Variants in TRIM2 observed in about 807,000 individuals in gnomAD.
TRIM2 encodes the protein tripartite motif containing 2.
In TRIM2, 20 loss-of-function variants were observed where a neutral mutation model predicts 75.2. The observed-to-expected ratio is 0.27, with a 90% CI of 0.19 to 0.39. The LOEUF is 0.39. Among genes scored for constraint, TRIM2 ranks in the 10% least tolerant of loss-of-function variants. The pLI is 1.00. For missense variants in TRIM2, 660 were observed against 990.8 expected (o/e 0.67, Z 4.48); for synonymous variants, 373 against 388.3 (o/e 0.96, Z 0.46).
intron 6 of TRIM2, among the ~76,000 whole-genome samples, chr4:153,315,171 A>C (rs1767319695): frequency 6.6e-6 from 1 of 152,248 alleles, no homozygotes; most frequent in Non-Finnish European, 1.5e-5. Flanking sequence ...AGATAAAGGC[A>C]GGCCGTATTA....
chr4:153,223,289 T>G (rs1029854847), intron 1 of TRIM2, among the ~76,000 whole-genome samples: 16 of 152,176 alleles, frequency 1.1e-4, no homozygotes, highest in African/African-American at 3.9e-4. Context: ...GTCGCGGACC[T>G]CTGCCGTCCT....
chr4:153,181,510 C>T (rs747641921), intron 1 of TRIM2, among the ~76,000 whole-genome samples: 5 of 152,202 alleles, frequency 3.3e-5, no homozygotes, highest in Admixed American at 6.5e-5. Flanking sequence ...CAGGGAGACA[C>T]ACAGAGACCT....
intron 1 of TRIM2, among the ~76,000 whole-genome samples, chr4:153,188,316 G>A (rs896791585): frequency 3.3e-5 from 5 of 152,216 alleles, no homozygotes; most frequent in Non-Finnish European, 7.4e-5. Context: ...AGAAGTTAGT[G>A]GGGCATGGTG....
At chr4:153,175,781 T>C (rs1731373802) in intron 1 of TRIM2, among the ~76,000 whole-genome samples, 1 of 152,188 alleles carries the variant, frequency 6.6e-6, no homozygotes, top group Admixed American at 6.5e-5. Flanking sequence ...TTGGTGAAGT[T>C]GGAATATGGA....
intron 10 of TRIM2, among the ~76,000 whole-genome samples, chr4:153,325,487 G>A (rs1241460689): frequency 6.6e-6 from 1 of 152,210 alleles, no homozygotes; most frequent in African/African-American, 2.4e-5. Flanking sequence ...AGCCAAAGAA[G>A]GACGGAAGTA....
At position 153,204,534 on chromosome 4, in the gene TRIM2, C is replaced by CA; in HGVS notation, c.5dup (p.His2GlnfsTer26). ...AGGAGGCTGGCTCTGGTCTTCGATG[C>CA]ACAGGAGTGGCCGTTATGGAACGCA... On this transcript the variant is annotated frameshift_variant, in exon 1 of 12. Coordinates refer to ENST00000338700, the MANE Select transcript of TRIM2 (RefSeq NM_015271.5). LOFTEE classifies it high-confidence loss of function. 1 of 1,551,712 alleles carries CA rather than the reference C, an allele frequency of 6.4e-7. No individual in the cohort carries two copies. The highest frequency in any genetic ancestry group is 2.4e-5 in the East Asian group (1 of 40,928).
At chr4:153,207,398 A>G (rs1388462863) in intron 1 of TRIM2, among the ~76,000 whole-genome samples, 1 of 152,176 alleles carries the variant, frequency 6.6e-6, no homozygotes, top group African/African-American at 2.4e-5. Context: ...GTCCAGCCTC[A>G]CTTTCGTTGT....
chr4:153,261,541 G>A (rs779944524), intron 1 of TRIM2, among the ~76,000 whole-genome samples: 1 of 152,278 alleles, frequency 6.6e-6, no homozygotes, highest in Non-Finnish European at 1.5e-5. Flanking sequence ...AGTACCTTTA[G>A]GATGATGTAT....
At chr4:153,296,286 A>G (rs1405102164) in intron 6 of TRIM2, among the ~76,000 whole-genome samples, 2 of 152,164 alleles carry the variant, frequency 1.3e-5, no homozygotes, top group Non-Finnish European at 2.9e-5. Context: ...CTTCCTTAAG[A>G]CACAAGTGCT....
intron 1 of TRIM2, among the ~76,000 whole-genome samples, chr4:153,155,374 T>G (rs1308211496): frequency 6.6e-6 from 1 of 152,206 alleles, no homozygotes; most frequent in Non-Finnish European, 1.5e-5. Context: ...TAGGGTATTG[T>G]TCTTAATTTT....
intron 11 of TRIM2, among the ~76,000 whole-genome samples, chr4:153,330,579 G>T (rs1204225800): frequency 7.9e-5 from 12 of 152,114 alleles, no homozygotes; most frequent in Admixed American, 7.9e-4. Flanking sequence ...AAGAAAATCA[G>T]TCAATGTAAT....
intron 1 of TRIM2, among the ~76,000 whole-genome samples, chr4:153,173,775 G>A (rs748450890): frequency 4.0e-5 from 6 of 151,430 alleles, no homozygotes; most frequent in African/African-American, 7.3e-5. Flanking sequence ...AAGACCAGCC[G>A]GACCAACATG....
chr4:153,166,661 G>C (rs143366976), intron 1 of TRIM2, among the ~76,000 whole-genome samples: 195 of 152,042 alleles, frequency 1.3e-3, no homozygotes, highest in Middle Eastern at 0.01. Flanking sequence ...TGATCCTCCT[G>C]CATCTGCCTC....
intron 1 of TRIM2, among the ~76,000 whole-genome samples, chr4:153,255,617 G>C (rs1055902212): frequency 2.0e-5 from 3 of 152,216 alleles, no homozygotes; most frequent in Non-Finnish European, 4.4e-5. Context: ...AACTTCTAAA[G>C]CAGAACATAC....
In TRIM2 at chr4:153,168,161, A is replaced by G. The variant is rs549358603; in HGVS notation, c.-49+14891A>G. Among the ~76,000 whole-genome samples the G allele has an allele frequency of 7.9e-5, 12 of 152,198 alleles. No individual in the cohort carries two copies. The East Asian group carries it at 2.3e-3, about 29-fold the overall frequency. Reference sequence around the variant, plus strand: ...CATTTGTTTATATTCATTTACCTACATTAGGGAATTGGTTAAATAAATTGT... The same window carrying G: ...CATTTGTTTATATTCATTTACCTACGTTAGGGAATTGGTTAAATAAATTGT... On this transcript the variant is annotated intron_variant, in intron 1 of 11. Transcript: ENST00000437508.
chr4:153,273,351 C>T (rs1292790187), intron 2 of TRIM2, among the ~76,000 whole-genome samples: 1 of 142,760 alleles, frequency 7.0e-6, no homozygotes, highest in Non-Finnish European at 1.5e-5. Context: ...TCTCGGCTCA[C>T]TGCAAGCTCC....
chr4:153,260,701 C>CCA lies in TRIM2; in HGVS notation c.31-9634_31-9633insCA, dbSNP rs1560902977. 2.8e-3 allele frequency among the ~76,000 whole-genome samples: 95 copies of CCA among 34,122 alleles called. 1 individual carries two copies. Among genetic ancestry groups the CCA allele is most frequent in the African/African-American group, 8.0e-3 (89 of 11,082 alleles). 22.4% of individuals were successfully genotyped at this position (34,122 alleles called of 152,430 possible). A position where few individuals can be genotyped will look rare whatever the true frequency, so the allele number is the denominator to read the frequency against. On this transcript the variant is annotated intron_variant, in intron 1 of 11. Transcript: ENST00000338700. ...CCACCCACACACCCACCCCCCCCCC[C>CCA]ACACACACACACACACACACACACA...
chr4:153,214,778 G>A (rs1410533739), intron 1 of TRIM2, among the ~76,000 whole-genome samples: 1 of 152,156 alleles, frequency 6.6e-6, no homozygotes, highest in African/African-American at 2.4e-5. Flanking sequence ...TGATTTAGGA[G>A]GTCTGGGTTG....
At chr4:153,269,251 G>A (rs546277057) in intron 1 of TRIM2, among the ~76,000 whole-genome samples, 1 of 152,142 alleles carries the variant, frequency 6.6e-6, no homozygotes, top group Non-Finnish European at 1.5e-5. Flanking sequence ...ACAATATATT[G>A]CGGAGAACTG....
Sources: allele counts gnomAD v4.1 joint callset (sites outside exome capture counted in the v4.1 genomes callset), GRCh38; gene constraint gnomAD v4.1.1; transcripts MANE v1.5; gene names NCBI Gene and HGNC (gene_info 2026-07-23, HGNC 2026-07-21).